ELP3: variants seen among roughly 807,000 people sequenced by gnomAD.
The protein encoded by ELP3 is elongator acetyltransferase complex subunit 3, also known as elongator complex protein 3.
ELP3 carries 56 observed loss-of-function variants against 74.9 expected under a neutral mutation model. The observed-to-expected ratio is 0.75, with a 90% CI of 0.60 to 0.93. ELP3 has a LOEUF of 0.93. Among genes scored for constraint, ELP3 ranks in the 40% least tolerant of loss-of-function variants. The pLI, the probability that ELP3 is intolerant of heterozygous loss-of-function variation, is 0.00. For missense variants in ELP3, 573 were observed against 686.5 expected (o/e 0.83, Z 1.85); for synonymous variants, 222 against 239.8 (o/e 0.93, Z 0.68).
At chr8:28,142,548 A>G (rs181051189) in intron 10 of ELP3, among the ~76,000 whole-genome samples, 213 of 152,348 alleles carry the variant, frequency 1.4e-3, no homozygotes, top group Non-Finnish European at 2.3e-3. Context: ...CAGTGGTGCA[A>G]TCTCTTTCAA....
chr8:28,104,560 T>C (rs370702939), intron 3 of ELP3, among the ~76,000 whole-genome samples: 2 of 152,378 alleles, frequency 1.3e-5, no homozygotes, highest in Admixed American at 6.5e-5. Flanking sequence ...TTTGTCTTTT[T>C]TGGACTCCGT....
chr8:28,146,270 C>T (rs1813426866), intron 10 of ELP3, among the ~76,000 whole-genome samples: 1 of 152,170 alleles, frequency 6.6e-6, no homozygotes, highest in African/African-American at 2.4e-5. Context: ...TAAACTGTTG[C>T]TGCCCTCAGG....
At chr8:28,188,919 G>A (rs1436904095) in intron 14 of ELP3, among the ~76,000 whole-genome samples, 1 of 152,028 alleles carries the variant, frequency 6.6e-6, no homozygotes, top group Non-Finnish European at 1.5e-5. Flanking sequence ...AGAACTGGGG[G>A]GCCTTGCGCT....
In ELP3 at chr8:28,190,363, C is replaced by T. The variant is rs998848975; in HGVS notation, c.*638C>T. The T allele has an allele frequency of 1.3e-5, 2 of 152,214 alleles. No individual in the cohort carries two copies. Among genetic ancestry groups the T allele is most frequent in the Non-Finnish European group, 2.9e-5 (2 of 68,112 alleles). 9.4% of individuals were successfully genotyped at this position (152,214 alleles called of 1,614,324 possible). On this transcript the variant is annotated 3_prime_UTR_variant, in exon 15 of 15. Transcript: ENST00000256398. Reference sequence around the variant, plus strand: ...CAGCCTCTCCCAGGCGGGAGTCTACCATCCGAGACGGCGATGACAAAGAGC... The same window carrying T: ...CAGCCTCTCCCAGGCGGGAGTCTACTATCCGAGACGGCGATGACAAAGAGC...
chr8:28,129,418 G>A, intron 7 of ELP3, 84 bp from the exon 8 acceptor site: 6 of 1,401,216 alleles, frequency 4.3e-6, no homozygotes, highest in Non-Finnish European at 6.0e-6. Flanking sequence ...CTCATACTAG[G>A]AGGACAGAGA....
At chr8:28,170,448 C>G (rs1266032996) in intron 14 of ELP3, among the ~76,000 whole-genome samples, 1 of 152,196 alleles carries the variant, frequency 6.6e-6, no homozygotes, top group Non-Finnish European at 1.5e-5. Context: ...TCCAACAATA[C>G]TCAGCCTGCA....
At chr8:28,158,342 T>C (rs942370677) in intron 11 of ELP3, among the ~76,000 whole-genome samples, 1 of 152,214 alleles carries the variant, frequency 6.6e-6, no homozygotes, top group Non-Finnish European at 1.5e-5. Context: ...ACTACTGTAC[T>C]ACTTCATACA....
At chr8:28,160,144 T>G in intron 12 of ELP3, 85 bp from the exon 13 acceptor site, 1 of 1,223,348 alleles carries the variant, frequency 8.2e-7, no homozygotes, top group South Asian at 1.5e-5. Flanking sequence ...AACTAGATAT[T>G]AACCTAAATA....
In ELP3 at chr8:28,188,165, C is replaced by G. The variant is rs577625806; in HGVS notation, c.1568-1484C>G. Among the ~76,000 whole-genome samples the G allele has an allele frequency of 7.2e-5, 11 of 152,314 alleles. No homozygotes were observed. The East Asian group carries it at 2.1e-3, about 29-fold the overall frequency. On this transcript the variant is annotated intron_variant, in intron 14 of 14. Transcript: ENST00000256398. ...CCCGCCCAGCCTCAGCTGTCTCACT[C>G]CCAGGCACAGACAGCCGGGCTGTTT...
intron 7 of ELP3, among the ~76,000 whole-genome samples, chr8:28,115,242 A>G (rs1191426211): frequency 6.6e-6 from 1 of 152,096 alleles, no homozygotes; most frequent in African/African-American, 2.4e-5. Context: ...AGCTGACGGT[A>G]CGAAACTGGG....
intron 10 of ELP3, among the ~76,000 whole-genome samples, chr8:28,154,577 T>C (rs1212374294): frequency 1.3e-5 from 2 of 152,154 alleles, no homozygotes; most frequent in Non-Finnish European, 2.9e-5. Context: ...TATAAATTAT[T>C]TCAGGGTAAA....
chr8:28,129,246 G>A (rs113097543), intron 7 of ELP3: 32 of 361,570 alleles, frequency 8.9e-5, no homozygotes, highest in African/African-American at 5.2e-4. Flanking sequence ...GCTCAGTCAC[G>A]TCAATCTTAT....
At chr8:28,114,201 A>T (rs944339733) in intron 7 of ELP3, among the ~76,000 whole-genome samples, 6 of 151,500 alleles carry the variant, frequency 4.0e-5, no homozygotes, top group African/African-American at 1.5e-4. Flanking sequence ...CTGAGACCGG[A>T]AGTACAAGGA....
intron 3 of ELP3, 46 bp downstream of exon 3, chr8:28,100,012 C>G (rs2290370): frequency 1.9e-6 from 3 of 1,612,538 alleles, no homozygotes; most frequent in Non-Finnish European, 2.5e-6. Flanking sequence ...GGTATCTGTT[C>G]TGGCAGAAGT....
At chr8:28,182,214 CTT>C (rs1361270333) in intron 14 of ELP3, among the ~76,000 whole-genome samples, 1 of 152,200 alleles carries the variant, frequency 6.6e-6, no homozygotes, top group Non-Finnish European at 1.5e-5. Flanking sequence ...TCTCCCCACT[CTT>C]TCCCCTACAA....
At chr8:28,138,453 A>G (rs564954042) in intron 10 of ELP3, among the ~76,000 whole-genome samples, 17 of 152,250 alleles carry the variant, frequency 1.1e-4, no homozygotes, top group Non-Finnish European at 2.5e-4. Flanking sequence ...TTACATACAT[A>G]CATACATATA....
chr8:28,172,167 T>C (rs1814555784), intron 14 of ELP3, among the ~76,000 whole-genome samples: 1 of 152,136 alleles, frequency 6.6e-6, no homozygotes. Flanking sequence ...TTCACATGGC[T>C]GTTTTTATTT....
intron 14 of ELP3, among the ~76,000 whole-genome samples, chr8:28,162,368 G>C (rs1814134790): frequency 6.6e-6 from 1 of 152,190 alleles, no homozygotes; most frequent in Non-Finnish European, 1.5e-5. Context: ...CCCAGTTACT[G>C]TATCTGAGGA....
intron 10 of ELP3, among the ~76,000 whole-genome samples, chr8:28,150,862 T>C (rs574680981): frequency 1.3e-5 from 2 of 152,298 alleles, no homozygotes; most frequent in Non-Finnish European, 2.9e-5. Flanking sequence ...CACCTTTTAT[T>C]TATTTTAGAG....
Sources: allele counts gnomAD v4.1 joint callset (sites outside exome capture counted in the v4.1 genomes callset), GRCh38; gene constraint gnomAD v4.1.1; transcripts MANE v1.5; gene names NCBI Gene and HGNC (gene_info 2026-07-23, HGNC 2026-07-21).